The following YWHAZ variants were observed in gnomAD, a reference collection of about 807,000 sequenced individuals.
YWHAZ encodes tyrosine 3-monooxygenase/tryptophan 5-monooxygenase activation protein zeta.
For synonymous variants in YWHAZ, 87 were observed against 103.6 expected (o/e 0.84, Z 0.97); for missense variants, 79 against 284.8 (o/e 0.28, Z 5.20).
At chr8:100,952,325 CT>C (rs1441277864), upstream of YWHAZ, 2 of 208,804 alleles carry the variant, frequency 9.6e-6, no homozygotes, top group Non-Finnish European at 1.7e-5. Context: ...CAGGAGGCTG[CT>C]TTTTTCCTTT....
chr8:100,920,808 G>GA (rs1303646739), intron 5 of YWHAZ, 56 bp from the exon 6 acceptor site: 3 of 464,732 alleles, frequency 6.5e-6, no homozygotes, highest in South Asian at 1.9e-5. Context: ...GGGGGGGGGG[G>GA]CGTTTTCATA....
At chr8:100,929,330 G>T (rs1420071824) in intron 2 of YWHAZ, among the ~76,000 whole-genome samples, 1 of 151,926 alleles carries the variant, frequency 6.6e-6, no homozygotes, top group Non-Finnish European at 1.5e-5. Flanking sequence ...CTCCTGAGTA[G>T]CTGGGATTAC....
At chr8:100,927,306 T>G (rs773525943) in intron 2 of YWHAZ, among the ~76,000 whole-genome samples, 4 of 152,042 alleles carry the variant, frequency 2.6e-5, no homozygotes, top group Non-Finnish European at 4.4e-5. Context: ...GAGGATCACT[T>G]CTTGAGTCCA....
intron 1 of YWHAZ, among the ~76,000 whole-genome samples, chr8:100,949,400 A>G (rs188001981): frequency 8.5e-4 from 129 of 152,296 alleles, no homozygotes; most frequent in Admixed American, 4.1e-3. Context: ...TCTTGTCAAG[A>G]GTGATTACAT....
At position 100,918,406 on chromosome 8, in the gene YWHAZ, C is replaced by CTT. The variant is rs1351272464; in HGVS notation, c.*2285_*2286dup. The CTT allele has an allele frequency of 9.2e-4, 18 of 19,610 alleles. No homozygotes were observed. The highest frequency in any genetic ancestry group is 2.0e-3 in the African/African-American group (15 of 7,584). 1.2% of individuals were successfully genotyped at this position (19,610 alleles called of 1,614,324 possible). ...TCAGTCTAGCTATAAAATATAATTA[C>CTT]TTTATATATATATATATATATATAT... On this transcript the variant is annotated 3_prime_UTR_variant, in exon 6 of 6. Transcript: ENST00000395958.
chr8:100,925,313 C>G (rs1813284817), intron 2 of YWHAZ, among the ~76,000 whole-genome samples: 1 of 152,160 alleles, frequency 6.6e-6, no homozygotes, highest in South Asian at 2.1e-4. Flanking sequence ...TATTTACATG[C>G]TGACTTCATG....
rs950566626 is a variant in YWHAZ at position 100,917,547 on chromosome 8, C to T, written c.*3146G>A. On this transcript the variant is annotated 3_prime_UTR_variant, in exon 6 of 6. Transcript: ENST00000395958. ...ATCATGGCTAACACGGTGAAACCCT[C>T]TCTCTACTAAAAATACAAATAATTA... The T allele has an allele frequency of 6.6e-6, 1 of 152,160 alleles. No individual in the cohort carries two copies. Among genetic ancestry groups the T allele is most frequent in the African/African-American group, 2.4e-5 (1 of 41,408 alleles). The allele number at this position is 152,160 out of a possible 1,614,324, so 9.4% of individuals were successfully genotyped here.
chr8:100,953,101 G>A (rs1458192983), upstream of YWHAZ: 12 of 990,178 alleles, frequency 1.2e-5, no homozygotes, highest in Non-Finnish European at 1.2e-5. Flanking sequence ...GAGTTCCGAG[G>A]GGAAAGGACA....
rs1813383558 is a variant in YWHAZ at position 100,926,628 on chromosome 8, AAAAAT to A, written c.295-1594_295-1590del. On this transcript the variant is annotated intron_variant, in intron 2 of 5. Transcript: ENST00000395958. ...AGCAAGACTCCATCTCAAAATAAAT[AAAAAT>A]AAAATAAAATTACTGGCCGGAAATC... Among the ~76,000 whole-genome samples, 2 of 152,204 alleles carry A rather than the reference AAAAAT, an allele frequency of 1.3e-5. 1 individual carries two copies. The highest frequency in any genetic ancestry group is 4.1e-4 in the South Asian group (2 of 4,832).
intron 2 of YWHAZ, among the ~76,000 whole-genome samples, chr8:100,938,761 G>A (rs570951633): frequency 2.3e-4 from 35 of 152,244 alleles, no homozygotes; most frequent in Admixed American, 1.9e-3. Context: ...CCCCCTTGTG[G>A]CCGGAGTGGC....
rs980000443 is a variant in YWHAZ, at chr8:100,950,577, G to A, written c.-12+1352C>T. The A allele has an allele frequency of 1.0e-5, 10 of 985,158 alleles. No individual in the cohort carries two copies. The Admixed American group carries it at 2.5e-4, about 24-fold the overall frequency. The allele number at this position is 985,158 out of a possible 1,614,324, so 61.0% of individuals were successfully genotyped here. On this transcript the variant is annotated intron_variant, in intron 1 of 5. Coordinates refer to ENST00000395958, the MANE Select transcript of YWHAZ (RefSeq NM_145690.3). ...TGTCATGGCGGATCTGTGTCAGGGAGCCCAACCTACTGCAGAGTGTTAATT... is the reference window on the plus strand; with the variant it reads ...TGTCATGGCGGATCTGTGTCAGGGAACCCAACCTACTGCAGAGTGTTAATT...
Position 100,920,574 on chromosome 8 carries a change from T to A in YWHAZ, c.*119A>T. 1.1e-6 allele frequency: 1 copy of A among 933,652 alleles called. No homozygotes were observed. The highest frequency in any genetic ancestry group is 1.7e-6 in the Non-Finnish European group (1 of 592,796). 57.8% of individuals were successfully genotyped at this position (933,652 alleles called of 1,614,324 possible). The stretch of plus-strand genomic sequence containing the variant: ...CACATGGGAAATATAGAAATTCAAA[T>A]AGAAGTAACATAAACCTGTCATAAA... On this transcript the variant is annotated 3_prime_UTR_variant, in exon 6 of 6. Transcript: ENST00000395958.
chr8:100,926,332 T>C (rs548578900), intron 2 of YWHAZ, among the ~76,000 whole-genome samples: 3 of 152,238 alleles, frequency 2.0e-5, no homozygotes, highest in African/African-American at 7.2e-5. Flanking sequence ...TTCCTGCAAT[T>C]ATTAACCGAT....
rs563136774 is a variant in YWHAZ, at chr8:100,951,607, C to T, written c.-12+322G>A. The T allele has an allele frequency of 4.1e-6, 4 of 984,980 alleles. No individual in the cohort carries two copies. In the East Asian group the frequency reaches 3.4e-4, roughly 85 times the overall value. The allele number at this position is 984,980 out of a possible 1,614,324, so 61.0% of individuals were successfully genotyped here. A position where few individuals can be genotyped will look rare whatever the true frequency, so the allele number is the denominator to read the frequency against. On this transcript the variant is annotated intron_variant, in intron 1 of 5. Coordinates refer to ENST00000395958, the MANE Select transcript of YWHAZ (RefSeq NM_145690.3). ...GCCCCGGCCATGCCTCGTCCACCTT[C>T]GGGAGCCGGCGACAGGGAGATCCCC... is the stretch of plus-strand genomic sequence containing the variant.
At chr8:100,952,256 A>C (rs1810851651), upstream of YWHAZ, 1 of 604,258 alleles carries the variant, frequency 1.7e-6, no homozygotes, top group Admixed American at 6.4e-5. Context: ...CGCAGCCGCC[A>C]CTCCTCCCAC....
At chr8:100,950,982 A>G (rs1656035976) in intron 1 of YWHAZ, 1 of 211,988 alleles carries the variant, frequency 4.7e-6, no homozygotes, top group Non-Finnish European at 8.1e-6. Context: ...CAAGCACGGG[A>G]GCCGACTGCG....
upstream of YWHAZ, chr8:100,953,237 G>T (rs1810926409): frequency 1.0e-6 from 1 of 985,280 alleles, no homozygotes; most frequent in Non-Finnish European, 1.2e-6. Context: ...GCTTTCACGT[G>T]AAGACCTCAT....
rs560459634 is a variant in YWHAZ, at chr8:100,948,992, T to G, written c.-11-92A>C. The G allele has an allele frequency of 7.7e-5, 106 of 1,382,644 alleles. No homozygotes were observed. Among genetic ancestry groups the G allele is most frequent in the Non-Finnish European group, 9.9e-5 (102 of 1,029,398 alleles). The allele number at this position is 1,382,644 out of a possible 1,614,324, so 85.6% of individuals were successfully genotyped here. ...CTGTGGTAAATGAGTTTTTTAAACCTGAAACCTAACTGCCTGTGAAAGACT... is the reference window on the plus strand; with the variant it reads ...CTGTGGTAAATGAGTTTTTTAAACCGGAAACCTAACTGCCTGTGAAAGACT... On this transcript the variant is annotated intron_variant, in intron 1 of 5. Transcript: ENST00000395958. This position sits in a 1 kb window ranked among gnomAD's most constrained non-coding sequence, Gnocchi z 4.2.
chr8:100,948,273 T>A lies in YWHAZ; in HGVS notation c.294+323A>T, dbSNP rs1810455345. The A allele has an allele frequency of 1.3e-6, 1 of 757,178 alleles. No individual in the cohort carries two copies. Among genetic ancestry groups the A allele is most frequent in the East Asian group, 2.8e-5 (1 of 35,798 alleles). The allele number at this position is 757,178 out of a possible 1,614,324, so 46.9% of individuals were successfully genotyped here. ...CAGATGTACATTTAAGATAACCAGC[T>A]ATAGAGCTACTACAAATATTCTAAC... On this transcript the variant is annotated intron_variant, in intron 2 of 5. Transcript: ENST00000395958. The surrounding 1 kb of genome is among the most constrained non-coding windows in gnomAD (Gnocchi z 4.2).
Sources: gnomAD v4.1 joint callset for allele counts (sites outside exome capture counted in the v4.1 genomes callset) on GRCh38, gnomAD v4.1.1 for gene constraint, Gnocchi (gnomAD v3.1) non-coding constraint, MANE v1.5 for transcripts, NCBI Gene and HGNC (gene_info 2026-07-23, HGNC 2026-07-21) for gene names.